The following DNAJC2 variants were observed in gnomAD, a reference collection of about 807,000 sequenced individuals.
DNAJC2 encodes the protein DnaJ heat shock protein family (Hsp40) member C2.
In DNAJC2, 32 loss-of-function variants were observed where a neutral mutation model predicts 94.0. The ratio of observed to expected loss-of-function variants is 0.34; its 90% CI spans 0.26 to 0.46. The LOEUF is 0.46. Ranked by LOEUF, DNAJC2 falls within the 20% of genes least tolerant of loss-of-function variation. The probability of loss-of-function intolerance (pLI) is 1.00; values close to 1 mark genes in which losing one functional copy is unlikely to be tolerated. For missense variants in DNAJC2, 550 were observed against 719.5 expected (o/e 0.76, Z 2.69); for synonymous variants, 210 against 229.7 (o/e 0.91, Z 0.77).
intron 10 of DNAJC2, among the ~76,000 whole-genome samples, chr7:103,320,151 C>T (rs1372767620): frequency 5.3e-5 from 8 of 152,144 alleles, no homozygotes; most frequent in South Asian, 4.1e-4. Flanking sequence ...TCCAGTGGCA[C>T]GAAATCGGCT....
intron 3 of DNAJC2, among the ~76,000 whole-genome samples, chr7:103,333,608 A>G (rs541900254): frequency 2.0e-4 from 31 of 152,306 alleles, no homozygotes; most frequent in African/African-American, 7.5e-4. Flanking sequence ...CCAAAGGAAA[A>G]TATAGGCCGT....
At chr7:103,341,479 C>T (rs973667832) in intron 2 of DNAJC2, among the ~76,000 whole-genome samples, 2 of 152,194 alleles carry the variant, frequency 1.3e-5, no homozygotes, top group Admixed American at 1.3e-4. Flanking sequence ...CTTACTCCTT[C>T]TGCCCAGAAT....
intron 3 of DNAJC2, 138 bp from the exon 4 acceptor site, chr7:103,327,892 T>C (rs1818790651): frequency 5.4e-6 from 3 of 553,582 alleles, no homozygotes; most frequent in Non-Finnish European, 9.4e-6. Context: ...GCTTATTCAA[T>C]GTGAAAATTA....
chr7:103,320,860 ACT>A (rs1425476326), intron 10 of DNAJC2: 2 of 132,228 alleles, frequency 1.5e-5, no homozygotes, highest in Admixed American at 9.1e-5. Context: ...TGAGATGGAG[ACT>A]CTGTCTTGTT....
At chr7:103,319,563 G>A in intron 12 of DNAJC2, 46 bp downstream of exon 12, 2 of 1,574,344 alleles carry the variant, frequency 1.3e-6, no homozygotes, top group South Asian at 1.1e-5. Flanking sequence ...GGTCAAAGCA[G>A]AATTAAATGC....
chr7:103,321,833 G>T, intron 10 of DNAJC2, 99 bp downstream of exon 10: 1 of 1,393,158 alleles, frequency 7.2e-7, no homozygotes, highest in Non-Finnish European at 9.9e-7. Flanking sequence ...GGGCGACAGA[G>T]CGAGACCCCA....
intron 3 of DNAJC2, among the ~76,000 whole-genome samples, chr7:103,332,723 G>C (rs1819024482): frequency 6.6e-6 from 1 of 151,760 alleles, no homozygotes; most frequent in South Asian, 2.1e-4. Flanking sequence ...TTGACCTCCT[G>C]GGCTCAAGCA....
intron 5 of DNAJC2, 47 bp downstream of exon 5, chr7:103,326,496 A>G (rs751551070): frequency 6.3e-7 from 1 of 1,598,180 alleles, no homozygotes; most frequent in Admixed American, 1.7e-5. Flanking sequence ...AGACTACAAT[A>G]AACAAGCCAA....
intron 3 of DNAJC2, among the ~76,000 whole-genome samples, chr7:103,331,600 G>A (rs1188913530): frequency 6.6e-6 from 1 of 152,134 alleles, no homozygotes; most frequent in Non-Finnish European, 1.5e-5. Context: ...TCTCAAGAGT[G>A]AGAACATGCA....
Position 103,342,810 on chromosome 7 carries a change from A to G in DNAJC2, c.65-856T>C, listed in dbSNP as rs1237923348. ...TTTTTAGTAAAGACGGGGTTTCACC[A>G]TATTAGCCAGGATGGTCTTGATCTC... On this transcript the variant is annotated intron_variant, in intron 1 of 16. Coordinates refer to ENST00000379263, the MANE Select transcript of DNAJC2 (RefSeq NM_014377.3). Among the ~76,000 whole-genome samples, 7 of 148,560 alleles carry G rather than the reference A, an allele frequency of 4.7e-5. No individual in the cohort carries two copies. The East Asian group carries it at 1.4e-3, about 30-fold the overall frequency.
At position 103,322,568 on chromosome 7, in the gene DNAJC2, T is replaced by G; in HGVS notation, c.876A>C (p.Glu292Asp). The change falls in exon 9 of 17, where the codon GAA (glutamate) becomes GAC (aspartate). Residue 292 changes from glutamate (E) to aspartate (D), a missense_variant. Physicochemically the swap from Glu to Asp is conservative, Grantham distance 45 (BLOSUM62 2). Coordinates refer to ENST00000379263, the MANE Select transcript of DNAJC2 (RefSeq NM_014377.3). ...CTTCTGCTTTTGCTTTCTTTTCTGC[T>G]TCTTTCTTGGCTTTTTCTTCTTCCT... ...KFKEEEKAKK[E>D]AEKKAKAEAK... 1 of 1,597,510 alleles carries G rather than the reference T, an allele frequency of 6.3e-7. No homozygotes were observed. Among genetic ancestry groups the G allele is most frequent in the South Asian group, 1.1e-5 (1 of 90,156 alleles).
chr7:103,332,888 T>G (rs1266814970), intron 3 of DNAJC2, among the ~76,000 whole-genome samples: 2 of 152,204 alleles, frequency 1.3e-5, no homozygotes, highest in African/African-American at 4.8e-5. Flanking sequence ...CCTTCTAAAG[T>G]GCTGGGATCA....
chr7:103,315,906 C>G, intron 14 of DNAJC2, 35 bp from the exon 15 acceptor site: 1 of 1,549,648 alleles, frequency 6.5e-7, no homozygotes. Flanking sequence ...CTTAACAGAT[C>G]ATCATTTAAT....
intron 3 of DNAJC2, among the ~76,000 whole-genome samples, chr7:103,333,525 T>C (rs1261183791): frequency 6.6e-6 from 1 of 152,234 alleles, no homozygotes; most frequent in Non-Finnish European, 1.5e-5. Context: ...GTAGATAAAA[T>C]AAATGCCCAG....
rs1236051288 is a variant in DNAJC2 at position 103,316,821 on chromosome 7, A to G, written c.1427+9T>C. ...GTGAGTTGAAGAAAAGTTTCATTAA[A>G]ACCAGTACCTTGAATTTGTTCCAGC... On this transcript the variant is annotated intron_variant, in intron 13 of 16. Coordinates refer to ENST00000379263, the MANE Select transcript of DNAJC2 (RefSeq NM_014377.3). 1.9e-6 allele frequency: 3 copies of G among 1,611,826 alleles called. No individual in the cohort carries two copies. The highest frequency in any genetic ancestry group is 2.5e-6 in the Non-Finnish European group (3 of 1,179,146).
chr7:103,331,417 C>T (rs1050064590), intron 3 of DNAJC2, among the ~76,000 whole-genome samples: 2 of 152,188 alleles, frequency 1.3e-5, no homozygotes, highest in Admixed American at 1.3e-4. Flanking sequence ...TCATTGTTAA[C>T]TATCATCACC....
Position 103,319,838 on chromosome 7 carries a change from T to C in DNAJC2, c.1090A>G (p.Asn364Asp). The C allele has an allele frequency of 6.2e-7, 1 of 1,614,098 alleles. No individual in the cohort carries two copies. The highest frequency in any genetic ancestry group is 8.5e-7 in the Non-Finnish European group (1 of 1,180,010). The change falls in exon 11 of 17, where the codon AAT becomes GAT. Residue 364 changes from asparagine to aspartate, a missense_variant. Coordinates refer to ENST00000379263, the MANE Select transcript of DNAJC2 (RefSeq NM_014377.3). ...TCTGCCTCATTATCAGAAAAATGAT[T>C]CCAGGTCTAAAAGCACAAACACAAA... ...QKLRNSCKTW[N>D]HFSDNEAERV...
At position 103,312,312 on chromosome 7, in the gene DNAJC2, A is replaced by G; in HGVS notation, c.*257T>C. Reference sequence around the variant, plus strand: ...GATTGTTTGAACACATGTATTTATAAAACAGAGCTAGAGAAAAATAAAAAT... The same window carrying G: ...GATTGTTTGAACACATGTATTTATAGAACAGAGCTAGAGAAAAATAAAAAT... On this transcript the variant is annotated 3_prime_UTR_variant, in exon 17 of 17. Coordinates refer to ENST00000379263, the MANE Select transcript of DNAJC2 (RefSeq NM_014377.3). 6.2e-7 allele frequency: 1 copy of G among 1,602,708 alleles called. No homozygotes were observed.
At chr7:103,329,430 TTAA>T (rs1222751432) in intron 3 of DNAJC2, 1 of 152,336 alleles carries the variant, frequency 6.6e-6, no homozygotes, top group African/African-American at 2.4e-5. Context: ...ATTATGTTTA[TTAA>T]TAATTTTTCC....
Sources: gnomAD v4.1 joint callset for allele counts (sites outside exome capture counted in the v4.1 genomes callset) on GRCh38, gnomAD v4.1.1 for gene constraint, MANE v1.5 for transcripts, NCBI Gene and HGNC (gene_info 2026-07-23, HGNC 2026-07-21) for gene names.